PHYHIPL: variants seen among roughly 807,000 people sequenced by gnomAD.
The protein encoded by PHYHIPL is phytanoyl-CoA 2-hydroxylase interacting protein like, also known as phytanoyl-CoA hydroxylase-interacting protein-like.
In PHYHIPL, 9 loss-of-function variants were observed where a neutral mutation model predicts 33.4. The ratio of observed to expected loss-of-function variants is 0.27; its 90% CI spans 0.16 to 0.47. The LOEUF is 0.47. Among genes scored for constraint, PHYHIPL ranks in the 20% least tolerant of loss-of-function variants. The probability of loss-of-function intolerance (pLI) is 0.99; values close to 1 mark genes in which losing one functional copy is unlikely to be tolerated. For missense variants in PHYHIPL, 365 were observed against 460.7 expected (o/e 0.79, Z 1.90); for synonymous variants, 153 against 154.1 (o/e 0.99, Z 0.05).
At chr10:59,183,694 T>C (rs765513318) in intron 1 of PHYHIPL, 30 of 983,996 alleles carry the variant, frequency 3.0e-5, no homozygotes, top group Non-Finnish European at 3.5e-5. Flanking sequence ...ACCAAGAACG[T>C]CATACTTGGA....
chr10:59,203,020 T>C (rs1468556793), intron 1 of PHYHIPL, among the ~76,000 whole-genome samples: 2 of 152,206 alleles, frequency 1.3e-5, no homozygotes, highest in Non-Finnish European at 2.9e-5. Context: ...TCTACCCATC[T>C]GACAAGGGCT....
At chr10:59,194,403 A>G (rs1203135458) in intron 1 of PHYHIPL, among the ~76,000 whole-genome samples, 1 of 151,842 alleles carries the variant, frequency 6.6e-6, no homozygotes, top group African/African-American at 2.4e-5. Context: ...TTTCTGACAT[A>G]GAAACACCAC....
At chr10:59,225,068 G>T (rs1839888926) in intron 1 of PHYHIPL, among the ~76,000 whole-genome samples, 1 of 147,918 alleles carries the variant, frequency 6.8e-6, no homozygotes, top group Admixed American at 7.0e-5. Context: ...ATATATTAAA[G>T]AATTTCCAAG....
chr10:59,221,205 A>C (rs1304659531), intron 1 of PHYHIPL, among the ~76,000 whole-genome samples: 6 of 151,874 alleles, frequency 4.0e-5, no homozygotes. Flanking sequence ...TTTTTGTGTC[A>C]CCATCTGCTA....
At position 59,238,712 on chromosome 10, in the gene PHYHIPL, T is replaced by C; in HGVS notation, c.596+7T>C. 6.7e-7 allele frequency: 1 copy of C among 1,500,312 alleles called. No individual in the cohort carries two copies. The highest frequency in any genetic ancestry group is 9.3e-7 in the Non-Finnish European group (1 of 1,078,138). 92.9% of individuals were successfully genotyped at this position (1,500,312 alleles called of 1,614,324 possible). On this transcript the variant is annotated splice_region_variant and intron_variant, in intron 4 of 4. Coordinates refer to ENST00000373880, the MANE Select transcript of PHYHIPL (RefSeq NM_032439.4). ...AATATTTTGACTATGTTCGGTAAGATTCAAAAATATATAGTGATTTGTTTT... is the reference window on the plus strand; with the variant it reads ...AATATTTTGACTATGTTCGGTAAGACTCAAAAATATATAGTGATTTGTTTT...
At chr10:59,175,194 C>A (rs1838228549), upstream of PHYHIPL, among the ~76,000 whole-genome samples, 1 of 152,304 alleles carries the variant, frequency 6.6e-6, no homozygotes, top group African/African-American at 2.4e-5. Flanking sequence ...GACACCCCTA[C>A]CTTAAGACAA....
chr10:59,207,247 T>C (rs528337977), intron 1 of PHYHIPL, among the ~76,000 whole-genome samples: 47 of 152,264 alleles, frequency 3.1e-4, no homozygotes, highest in African/African-American at 1.1e-3. Flanking sequence ...TCATTGGGAC[T>C]GGTTAGACAG....
At position 59,246,766 on chromosome 10, in the gene PHYHIPL, T is replaced by C. The variant is rs527760801; in HGVS notation, c.*1175T>C. On this transcript the variant is annotated 3_prime_UTR_variant, in exon 5 of 5. Coordinates refer to ENST00000373880, the MANE Select transcript of PHYHIPL (RefSeq NM_032439.4). ...AGATGTTGGAACATTAAGAAAAATG[T>C]ATATTCCCAATGAAAAAATAGTTAT... 3.6e-4 allele frequency: 142 copies of C among 395,896 alleles called. No homozygotes were observed. Among genetic ancestry groups the C allele is most frequent in the African/African-American group, 2.6e-3 (127 of 48,688 alleles). The allele number at this position is 395,896 out of a possible 1,614,324, so 24.5% of individuals were successfully genotyped here. A position where few individuals can be genotyped will look rare whatever the true frequency, so the allele number is the denominator to read the frequency against.
At chr10:59,243,369 A>G (rs984061684) in intron 4 of PHYHIPL, among the ~76,000 whole-genome samples, 1 of 152,322 alleles carries the variant, frequency 6.6e-6, no homozygotes, top group South Asian at 2.1e-4. Context: ...TGTCAACAGC[A>G]TATCTATCCT....
intron 1 of PHYHIPL, among the ~76,000 whole-genome samples, chr10:59,198,418 G>A (rs1339585999): frequency 6.6e-6 from 1 of 152,082 alleles, no homozygotes; most frequent in African/African-American, 2.4e-5. Context: ...ATTCCATGGT[G>A]TATATGTGCC....
chr10:59,244,423 G>A (rs1003459635), intron 4 of PHYHIPL, among the ~76,000 whole-genome samples: 12 of 151,944 alleles, frequency 7.9e-5, no homozygotes, highest in Non-Finnish European at 1.3e-4. Context: ...AATTAGCTGG[G>A]CATGGTGGCA....
chr10:59,235,902 TTTAACCTG>T, intron 2 of PHYHIPL, among the ~76,000 whole-genome samples: 1 of 152,070 alleles, frequency 6.6e-6, no homozygotes, highest in East Asian at 1.9e-4. Flanking sequence ...TGTTTTCTCC[TTTAACCTG>T]TAAAATATCA....
At chr10:59,242,248 C>A (rs1840426236) in intron 4 of PHYHIPL, among the ~76,000 whole-genome samples, 1 of 152,190 alleles carries the variant, frequency 6.6e-6, no homozygotes, top group Non-Finnish European at 1.5e-5. Context: ...CCTTCTCTCT[C>A]TGATCTAGAG....
At chr10:59,203,207 C>T (rs1028232698) in intron 1 of PHYHIPL, among the ~76,000 whole-genome samples, 2 of 152,122 alleles carry the variant, frequency 1.3e-5, no homozygotes, top group African/African-American at 4.8e-5. Flanking sequence ...CAAATCAAAA[C>T]CACAATGAGA....
At chr10:59,177,346 C>A (rs765814412) in intron 1 of PHYHIPL, 14 of 888,476 alleles carry the variant, frequency 1.6e-5, no homozygotes, top group Middle Eastern at 6.8e-4. Context: ...TTTCTAGCAA[C>A]CCCCTTCCCC....
chr10:59,217,999 C>T (rs1195704611), intron 1 of PHYHIPL, among the ~76,000 whole-genome samples: 4 of 152,026 alleles, frequency 2.6e-5, no homozygotes, highest in African/African-American at 9.7e-5. Context: ...AAATTTCTAA[C>T]GTTAATAATA....
intron 1 of PHYHIPL, among the ~76,000 whole-genome samples, chr10:59,234,070 G>GT (rs1468761847): frequency 6.6e-6 from 1 of 151,742 alleles, no homozygotes; most frequent in Non-Finnish European, 1.5e-5. Flanking sequence ...GGCTCTTGAG[G>GT]TTTTTTAGAG....
rs1838271044 is a variant in PHYHIPL, at chr10:59,177,069, C to T, written c.106+110C>T. ...CAGGGCGGCAGGGTCTTTTGTTGTC[C>T]CCTCTGTGCAAATAAATGCAGATGT... is the stretch of plus-strand genomic sequence containing the variant. On this transcript the variant is annotated intron_variant, in intron 1 of 4. Transcript: ENST00000373880. 4 of 894,574 alleles carry T rather than the reference C, an allele frequency of 4.5e-6. No homozygotes were observed. In the South Asian group the frequency reaches 4.7e-5, roughly 10 times the overall value. The allele number at this position is 894,574 out of a possible 1,614,324, so 55.4% of individuals were successfully genotyped here.
chr10:59,211,517 C>T (rs530291072), intron 1 of PHYHIPL, among the ~76,000 whole-genome samples: 1 of 151,984 alleles, frequency 6.6e-6, no homozygotes, highest in South Asian at 2.1e-4. Flanking sequence ...GCTAAGATTA[C>T]AGGTGCATGC....
Sources: allele counts gnomAD v4.1 joint callset (sites outside exome capture counted in the v4.1 genomes callset), GRCh38; gene constraint gnomAD v4.1.1; transcripts MANE v1.5; gene names NCBI Gene and HGNC (gene_info 2026-07-23, HGNC 2026-07-21).